Variants in S100Z observed in about 807,000 individuals in gnomAD.
S100Z encodes the protein protein S100-Z.
A neutral mutation model predicts 8.5 loss-of-function variants in S100Z; 11 were observed. That is an observed-to-expected ratio of 1.30 (90% CI 0.82 to 2.15). The LOEUF is 2.15. Among genes scored for constraint, S100Z ranks in the 30% most tolerant of loss-of-function variants. The pLI, the probability that S100Z is intolerant of heterozygous loss-of-function variation, is 0.00. For synonymous variants in S100Z, 34 were observed against 43.8 expected (o/e 0.78, Z 0.89); for missense variants, 126 against 117.9 (o/e 1.07, Z -0.32).
intron 1 of S100Z, among the ~76,000 whole-genome samples, chr5:76,869,843 A>AC (rs1742942091): frequency 6.6e-6 from 1 of 152,008 alleles, no homozygotes; most frequent in Non-Finnish European, 1.5e-5. Flanking sequence ...ACATGGTGAA[A>AC]CCCCATCTAT....
At chr5:76,891,269 C>T (rs1743845370) in intron 4 of S100Z, among the ~76,000 whole-genome samples, 1 of 152,194 alleles carries the variant, frequency 6.6e-6, no homozygotes, top group African/African-American at 2.4e-5. Flanking sequence ...CTTTACGTTA[C>T]ACTTACCTGT....
At chr5:76,912,264 A>G (rs1209397729) in intron 4 of S100Z, among the ~76,000 whole-genome samples, 1 of 152,176 alleles carries the variant, frequency 6.6e-6, no homozygotes, top group South Asian at 2.1e-4. Flanking sequence ...ACATATGTGC[A>G]TGGCCTCAAC....
chr5:76,851,116 A>T lies in S100Z; in HGVS notation c.-176+961A>T, dbSNP rs1750715341. Among the ~76,000 whole-genome samples the T allele has an allele frequency of 2.0e-5, 3 of 152,356 alleles. No individual in the cohort carries two copies. In the South Asian group the frequency reaches 6.2e-4, roughly 32 times the overall value. ...GGTCTAGAGGAAAGCATGAGGTGAT[A>T]CAGGGGCACCCAGAGGCGGAGTGCT... On this transcript the variant is annotated intron_variant, in intron 1 of 4. Coordinates refer to ENST00000317593, the MANE Select transcript of S100Z (RefSeq NM_130772.4).
chr5:76,889,351 G>GA (rs986764169), intron 4 of S100Z, among the ~76,000 whole-genome samples: 2 of 152,128 alleles, frequency 1.3e-5, no homozygotes, highest in African/African-American at 2.4e-5. Flanking sequence ...TCATTTAGAA[G>GA]AAAAAATTTT....
the S100Z span, among the ~76,000 whole-genome samples, chr5:76,936,029 G>A: frequency 2.0e-5 from 3 of 151,992 alleles, no homozygotes; most frequent in Admixed American, 1.3e-4. Context: ...TGCCCACCTC[G>A]GCGTCCCCAA....
chr5:76,893,475 C>A (rs1213242547), intron 4 of S100Z, among the ~76,000 whole-genome samples: 2 of 151,556 alleles, frequency 1.3e-5, no homozygotes, highest in African/African-American at 4.9e-5. Flanking sequence ...CCTAGGAGGT[C>A]AAGGTTGCAG....
At chr5:76,930,318 G>C in the S100Z span, among the ~76,000 whole-genome samples, 1 of 152,126 alleles carries the variant, frequency 6.6e-6, no homozygotes, top group East Asian at 1.9e-4. Context: ...CTCAGGCGTG[G>C]GCAGGTCTGG....
At chr5:76,884,417 T>G (rs1197802111) in intron 4 of S100Z, among the ~76,000 whole-genome samples, 1 of 152,176 alleles carries the variant, frequency 6.6e-6, no homozygotes, top group African/African-American at 2.4e-5. Context: ...CCAGTGGTTA[T>G]CAGTGTGAGA....
intron 4 of S100Z, among the ~76,000 whole-genome samples, chr5:76,914,571 C>G (rs975176485): frequency 1.3e-5 from 2 of 152,172 alleles, no homozygotes; most frequent in African/African-American, 4.8e-5. Context: ...CTGCTGCTCA[C>G]TCTTTGGGTC....
intron 4 of S100Z, among the ~76,000 whole-genome samples, chr5:76,902,499 G>C (rs1330635293): frequency 6.6e-6 from 1 of 152,230 alleles, no homozygotes; most frequent in African/African-American, 2.4e-5. Flanking sequence ...TGGGGCAGGG[G>C]TGGCATTAGC....
At chr5:76,888,715 G>A (rs766167540) in intron 4 of S100Z, among the ~76,000 whole-genome samples, 20 of 152,012 alleles carry the variant, frequency 1.3e-4, no homozygotes, top group Admixed American at 2.6e-4. Context: ...CGTGTCTGAC[G>A]GAAGTTTTCA....
At chr5:76,874,763 C>T (rs979809299) in intron 2 of S100Z, among the ~76,000 whole-genome samples, 4 of 152,070 alleles carry the variant, frequency 2.6e-5, no homozygotes. Context: ...TATGAATATG[C>T]TGGAGCTGCT....
the S100Z span, among the ~76,000 whole-genome samples, chr5:76,936,614 C>A: frequency 8.1e-6 from 1 of 123,856 alleles, no homozygotes; most frequent in African/African-American, 3.2e-5. Flanking sequence ...CATTAAAGTT[C>A]CTACACACAC....
chr5:76,934,435 C>T, the S100Z span, among the ~76,000 whole-genome samples: 1 of 152,152 alleles, frequency 6.6e-6, no homozygotes, highest in Admixed American at 6.5e-5. Context: ...CAAGTGATCT[C>T]ATGGAAAAGG....
intron 4 of S100Z, among the ~76,000 whole-genome samples, chr5:76,901,072 C>T (rs1744210532): frequency 6.6e-6 from 1 of 152,242 alleles, no homozygotes; most frequent in Admixed American, 6.5e-5. Context: ...TTCTCCCAAA[C>T]ATACAGAGTC....
chr5:76,877,353 G>A (rs990971359), intron 3 of S100Z, among the ~76,000 whole-genome samples: 5 of 151,900 alleles, frequency 3.3e-5, no homozygotes, highest in African/African-American at 1.2e-4. Flanking sequence ...TATGTCACTC[G>A]ACTATCTCCT....
In S100Z at chr5:76,901,714, T is replaced by TC. The variant is rs374779366; in HGVS notation, c.*3-18999dup. Among the ~76,000 whole-genome samples, 352 of 152,308 alleles carry TC rather than the reference T, an allele frequency of 2.3e-3. 1 individual carries two copies. The highest frequency in any genetic ancestry group is 7.9e-3 in the African/African-American group (330 of 41,566). On this transcript the variant is annotated intron_variant, in intron 4 of 4. Coordinates refer to ENST00000317593, the MANE Select transcript of S100Z (RefSeq NM_130772.4). Reference sequence around the variant, plus strand: ...CCCAAGAACCCTCATGGTGCTCTATTCCCCTGTGGCTGTGCAAGACAAAGT... The same window carrying TC: ...CCCAAGAACCCTCATGGTGCTCTATTCCCCCTGTGGCTGTGCAAGACAAAGT...
At chr5:76,900,132 T>G (rs1420807694) in intron 4 of S100Z, among the ~76,000 whole-genome samples, 1 of 152,242 alleles carries the variant, frequency 6.6e-6, no homozygotes, top group Non-Finnish European at 1.5e-5. Flanking sequence ...TTGTATGTTA[T>G]TTGTTTCTTT....
At position 76,878,374 on chromosome 5, in the gene S100Z, GC is replaced by G. The variant is rs1743274601; in HGVS notation, c.*2+541del. 3.3e-5 allele frequency among the ~76,000 whole-genome samples: 5 copies of G among 152,350 alleles called. No individual in the cohort carries two copies. The South Asian group carries it at 1.0e-3, about 32-fold the overall frequency. ...GGTCAAGCCGAGAGAGCTGAAGCCAGCAGCTCTTGTGAGCTGGCATATAAAT... is the reference window on the plus strand; with the variant it reads ...GGTCAAGCCGAGAGAGCTGAAGCCAGAGCTCTTGTGAGCTGGCATATAAAT... On this transcript the variant is annotated intron_variant, in intron 4 of 4. Transcript: ENST00000317593.
Sources: gnomAD v4.1 joint callset for allele counts (sites outside exome capture counted in the v4.1 genomes callset) on GRCh38, gnomAD v4.1.1 for gene constraint, MANE v1.5 for transcripts, NCBI Gene and HGNC (gene_info 2026-07-23, HGNC 2026-07-21) for gene names.